Variants in RAD51B observed in about 807,000 individuals in gnomAD.
The protein encoded by RAD51B is RAD51 paralog B.
RAD51B carries 38 observed loss-of-function variants against 42.2 expected under a neutral mutation model. That is an observed-to-expected ratio of 0.90 (90% CI 0.70 to 1.18). The LOEUF is 1.18. Ranked by LOEUF, RAD51B falls within the 50% of genes most tolerant of loss-of-function variation. The pLI, the probability that RAD51B is intolerant of heterozygous loss-of-function variation, is 0.00. For synonymous variants in RAD51B, 154 were observed against 145.2 expected (o/e 1.06, Z -0.43); for missense variants, 373 against 400.7 (o/e 0.93, Z 0.59).
intron 7 of RAD51B, among the ~76,000 whole-genome samples, chr14:68,057,268 A>G (rs908468067): frequency 2.0e-5 from 3 of 152,128 alleles, no homozygotes; most frequent in African/African-American, 7.2e-5. Context: ...AAAGCCTTTA[A>G]AGAGAAAATG....
At chr14:68,427,262 C>G (rs2084874673) in intron 9 of RAD51B, among the ~76,000 whole-genome samples, 1 of 152,164 alleles carries the variant, frequency 6.6e-6, no homozygotes, top group African/African-American at 2.4e-5. Context: ...CCCCTCTACA[C>G]CTAGTATAGG....
At chr14:68,400,035 G>C (rs928178368) in intron 8 of RAD51B, among the ~76,000 whole-genome samples, 1 of 152,102 alleles carries the variant, frequency 6.6e-6, no homozygotes, top group Non-Finnish European at 1.5e-5. Flanking sequence ...TGCTTGCAAA[G>C]AGCCAGTGAT....
chr14:68,498,042 C>T (rs1820202278), intron 10 of RAD51B, among the ~76,000 whole-genome samples: 1 of 152,182 alleles, frequency 6.6e-6, no homozygotes, highest in Non-Finnish European at 1.5e-5. Context: ...AGTGGATTTA[C>T]TTGACATATG....
chr14:67,886,130 G>T, intron 6 of RAD51B, 142 bp downstream of exon 6: 2 of 631,030 alleles, frequency 3.2e-6, no homozygotes, highest in Non-Finnish European at 5.0e-6. Context: ...CTTTGTTATA[G>T]CCTTTTGGTT....
At chr14:68,017,247 A>G (rs925777764) in intron 7 of RAD51B, among the ~76,000 whole-genome samples, 1 of 152,074 alleles carries the variant, frequency 6.6e-6, no homozygotes, top group Non-Finnish European at 1.5e-5. Context: ...CCAGGCTGGA[A>G]TGCAGTGGAG....
At chr14:68,245,970 G>C (rs2080489045) in intron 7 of RAD51B, among the ~76,000 whole-genome samples, 2 of 152,022 alleles carry the variant, frequency 1.3e-5, no homozygotes, top group South Asian at 4.1e-4. Flanking sequence ...TGGCCAAAAT[G>C]AATGAGATAC....
Position 68,356,757 on chromosome 14 carries a change from G to A in RAD51B, c.854-54667G>A, listed in dbSNP as rs1428224542. The stretch of plus-strand genomic sequence containing the variant: ...AGCACTTTGGGAGGCCGAGGCGGGC[G>A]GATCACGAGGTCAGGAGATCGAGAC... On this transcript the variant is annotated intron_variant, in intron 8 of 10. Transcript: ENST00000471583. Among the ~76,000 whole-genome samples the A allele has an allele frequency of 5.9e-5, 9 of 151,942 alleles. No homozygotes were observed. The South Asian group carries it at 1.7e-3, about 28-fold the overall frequency.
Position 68,136,911 on chromosome 14 carries a change from C to T in RAD51B, c.757-154973C>T, listed in dbSNP as rs1368936141. Reference sequence around the variant, plus strand: ...TAATCAGGTATTTTTCCATATAACACAATAAAAGCATTGAACTGGGATTTT... The same window carrying T: ...TAATCAGGTATTTTTCCATATAACATAATAAAAGCATTGAACTGGGATTTT... On this transcript the variant is annotated intron_variant, in intron 7 of 10. Transcript: ENST00000471583. Among the ~76,000 whole-genome samples the T allele has an allele frequency of 4.4e-5, 3 of 67,720 alleles. 1 individual carries two copies. The highest frequency in any genetic ancestry group is 9.3e-5 in the African/African-American group (3 of 32,106). 44.4% of individuals were successfully genotyped at this position (67,720 alleles called of 152,430 possible).
At chr14:68,594,532 G>C (rs1020481394) in exon 11 of RAD51B, 29 of 1,353,422 alleles carry the variant, frequency 2.1e-5, no homozygotes, top group Non-Finnish European at 2.6e-5. Flanking sequence ...CTGGGCTCCA[G>C]AAATCCTCCC....
chr14:68,336,934 T>G (rs2082466912), intron 8 of RAD51B, among the ~76,000 whole-genome samples: 2 of 152,242 alleles, frequency 1.3e-5, no homozygotes, highest in South Asian at 2.1e-4. Context: ...TTTTTATGGT[T>G]GTTTAAAAAT....
rs187053811 is a variant in RAD51B, at chr14:68,094,247, C to A, written c.757-197637C>A. Among the ~76,000 whole-genome samples the A allele has an allele frequency of 4.9e-3, 740 of 152,238 alleles. 2 individuals carry two copies. The highest frequency in any genetic ancestry group is 7.0e-3 in the Non-Finnish European group (473 of 68,018). On this transcript the variant is annotated intron_variant, in intron 7 of 10. Coordinates refer to ENST00000471583, the MANE Select transcript of RAD51B (RefSeq NM_133510.4). ...ACTTTATAATTTTAGGGCCCAGGGC[C>A]ACAGAGTTATTTTCTGACGTTTTGT...
intron 4 of RAD51B, among the ~76,000 whole-genome samples, chr14:67,839,511 G>A (rs1056857914): frequency 6.6e-6 from 1 of 151,678 alleles, no homozygotes; most frequent in Non-Finnish European, 1.5e-5. Flanking sequence ...TTTACATGTG[G>A]TTTTTGTCCC....
downstream of RAD51B, among the ~76,000 whole-genome samples, chr14:68,598,911 C>T (rs1013970247): frequency 6.6e-6 from 1 of 152,170 alleles, no homozygotes; most frequent in African/African-American, 2.4e-5. Flanking sequence ...GAACAAAAGA[C>T]CTCCTGTTAG....
chr14:68,067,421 G>T (rs1167475726), intron 7 of RAD51B, among the ~76,000 whole-genome samples: 2 of 146,154 alleles, frequency 1.4e-5, no homozygotes, highest in African/African-American at 5.1e-5. Context: ...CCGAGATTGT[G>T]CCACTGCACT....
intron 7 of RAD51B, among the ~76,000 whole-genome samples, chr14:68,013,358 A>C (rs576289612): frequency 1.0e-3 from 156 of 152,286 alleles, no homozygotes; most frequent in Non-Finnish European, 1.8e-3. Context: ...TGTTGGCCAG[A>C]ATAATTAGAA....
chr14:68,582,794 A>T (rs2140061551), intron 10 of RAD51B, among the ~76,000 whole-genome samples: 1 of 152,380 alleles, frequency 6.6e-6, no homozygotes, highest in Admixed American at 6.5e-5. Flanking sequence ...AAAATGTAGC[A>T]CATATACACC....
chr14:68,262,483 C>T (rs1050673274), intron 7 of RAD51B, among the ~76,000 whole-genome samples: 1 of 152,136 alleles, frequency 6.6e-6, no homozygotes, highest in Non-Finnish European at 1.5e-5. Flanking sequence ...ACAACACATC[C>T]CCATGCCCCA....
At chr14:67,941,370 A>C (rs1163992482) in intron 7 of RAD51B, among the ~76,000 whole-genome samples, 1 of 152,196 alleles carries the variant, frequency 6.6e-6, no homozygotes, top group South Asian at 2.1e-4. Context: ...CCTTGCATGT[A>C]GACTAATGGG....
intron 10 of RAD51B, among the ~76,000 whole-genome samples, chr14:68,639,889 A>C (rs1427256118): frequency 1.3e-5 from 2 of 152,004 alleles, no homozygotes; most frequent in Admixed American, 6.6e-5. Context: ...TCCTGGGTTC[A>C]CACAATTCTC....
Sources: gnomAD v4.1 joint callset for allele counts (sites outside exome capture counted in the v4.1 genomes callset) on GRCh38, gnomAD v4.1.1 for gene constraint, MANE v1.5 for transcripts, NCBI Gene and HGNC (gene_info 2026-07-23, HGNC 2026-07-21) for gene names.